PEAK1: variants seen among roughly 807,000 people sequenced by gnomAD.
PEAK1 encodes pseudopodium enriched atypical kinase 1.
PEAK1 carries 54 observed loss-of-function variants against 124.7 expected under a neutral mutation model. That is an observed-to-expected ratio of 0.43 (90% CI 0.35 to 0.54). The LOEUF is 0.54. PEAK1 is among the 20% of genes least tolerant of loss of function. The pLI, the probability that PEAK1 is intolerant of heterozygous loss-of-function variation, is 0.01. For synonymous variants in PEAK1, 719 were observed against 760.0 expected (o/e 0.95, Z 0.89); for missense variants, 2,046 against 2,134.5 (o/e 0.96, Z 0.82).
chr15:77,263,111 G>A lies in PEAK1; in HGVS notation c.-274-10585C>T, dbSNP rs1015261097. 2.0e-5 allele frequency among the ~76,000 whole-genome samples: 3 copies of A among 152,188 alleles called. No homozygotes were observed. In the South Asian group the frequency reaches 6.2e-4, roughly 32 times the overall value. ...TGGGACACATTCAAAGCAGTGCGTA[G>A]AGGGAAATTTATAGCACTAAATGCC... On this transcript the variant is annotated intron_variant, in intron 5 of 9. Coordinates refer to ENST00000682557, the MANE Select transcript of PEAK1 (RefSeq NM_001385026.1).
chr15:77,209,188 T>G (rs2058796332), intron 6 of PEAK1, among the ~76,000 whole-genome samples: 1 of 152,104 alleles, frequency 6.6e-6, no homozygotes, highest in South Asian at 2.1e-4. Context: ...TTTTTTAATA[T>G]AAAAGAAAAA....
chr15:77,405,916 A>C (rs1023414017), intron 1 of PEAK1, among the ~76,000 whole-genome samples: 4 of 152,216 alleles, frequency 2.6e-5, no homozygotes, highest in African/African-American at 4.8e-5. Context: ...CTAACTCCCT[A>C]AATTAGAAAC....
chr15:77,372,237 G>C (rs1167002731), intron 1 of PEAK1, among the ~76,000 whole-genome samples: 4 of 152,280 alleles, frequency 2.6e-5, no homozygotes, highest in Middle Eastern at 3.4e-3. Flanking sequence ...ATTCAAGCAT[G>C]TACAAATATA....
downstream of PEAK1, chr15:77,104,698 G>A (rs965155965): frequency 7.2e-5 from 11 of 152,190 alleles, no homozygotes; most frequent in Admixed American, 7.2e-4. Flanking sequence ...TAGAGAGTGA[G>A]GGAGGACTGT....
intron 7 of PEAK1, among the ~76,000 whole-genome samples, chr15:77,159,635 T>C (rs1182578970): frequency 6.6e-6 from 1 of 152,180 alleles, no homozygotes; most frequent in Non-Finnish European, 1.5e-5. Context: ...CTGGTTTCTT[T>C]ATGAAAAAAA....
intron 5 of PEAK1, among the ~76,000 whole-genome samples, chr15:77,259,653 A>C (rs533455611): frequency 2.0e-5 from 3 of 152,312 alleles, no homozygotes; most frequent in Admixed American, 6.5e-5. Context: ...TTCCAGGATG[A>C]TCCTCTCACC....
At chr15:77,225,049 C>G (rs944487006) in intron 6 of PEAK1, among the ~76,000 whole-genome samples, 1 of 151,948 alleles carries the variant, frequency 6.6e-6, no homozygotes, top group Non-Finnish European at 1.5e-5. Flanking sequence ...TTTTAAGTAG[C>G]TCCCTATTTT....
intron 1 of PEAK1, chr15:77,419,150 T>A: frequency 4.1e-6 from 4 of 985,330 alleles, no homozygotes; most frequent in Non-Finnish European, 4.8e-6. Flanking sequence ...TGAACTTGGA[T>A]CTTTAAAAAA....
At chr15:77,281,618 GAA>G (rs1286389437) in intron 5 of PEAK1, among the ~76,000 whole-genome samples, 1 of 151,930 alleles carries the variant, frequency 6.6e-6, no homozygotes, top group East Asian at 1.9e-4. Context: ...TTTCATAAAA[GAA>G]ATAAAAAGAC....
intron 2 of PEAK1, chr15:77,336,412 C>T (rs1407133592): frequency 5.1e-6 from 5 of 985,292 alleles, no homozygotes; most frequent in Non-Finnish European, 4.8e-6. Flanking sequence ...GGAGTCCCTT[C>T]TGAGTGAGGG....
At chr15:77,293,735 T>C (rs1263784109) in intron 2 of PEAK1, among the ~76,000 whole-genome samples, 1 of 152,222 alleles carries the variant, frequency 6.6e-6, no homozygotes, top group Admixed American at 6.5e-5. Context: ...TGTGGATTTG[T>C]TATATTATTC....
intron 6 of PEAK1, among the ~76,000 whole-genome samples, chr15:77,243,364 A>G (rs894366709): frequency 6.6e-6 from 1 of 152,228 alleles, no homozygotes; most frequent in African/African-American, 2.4e-5. Flanking sequence ...TGTTGTTTCC[A>G]TGGCAACTGC....
At position 77,380,004 on chromosome 15, in the gene PEAK1, A is replaced by G. The variant is rs189207189; in HGVS notation, c.-665-14779T>C. On this transcript the variant is annotated intron_variant, in intron 1 of 9. Coordinates refer to ENST00000682557, the MANE Select transcript of PEAK1 (RefSeq NM_001385026.1). ...CAATTACTCACTGAATTTCTTTACT[A>G]TATTTCTTTACCTGGCAAATGTAAA... is the stretch of plus-strand genomic sequence containing the variant. Among the ~76,000 whole-genome samples, 3 of 152,290 alleles carry G rather than the reference A, an allele frequency of 2.0e-5. No homozygotes were observed. The East Asian group carries it at 5.8e-4, about 29-fold the overall frequency.
chr15:77,395,353 G>A (rs2070793386), intron 1 of PEAK1, among the ~76,000 whole-genome samples: 1 of 152,104 alleles, frequency 6.6e-6, no homozygotes, highest in Non-Finnish European at 1.5e-5. Flanking sequence ...CGCTTAAAGA[G>A]GAGGCAGAGA....
intron 5 of PEAK1, among the ~76,000 whole-genome samples, chr15:77,281,435 A>G (rs1030475350): frequency 6.6e-6 from 1 of 152,232 alleles, no homozygotes; most frequent in Non-Finnish European, 1.5e-5. Flanking sequence ...GAAGAGCTGC[A>G]GACTAGCAAT....
chr15:77,303,750 C>G (rs1417620110), intron 2 of PEAK1, among the ~76,000 whole-genome samples: 4 of 152,148 alleles, frequency 2.6e-5, no homozygotes, highest in African/African-American at 9.7e-5. Context: ...AACTAAGTCA[C>G]AACTTACCAA....
intron 6 of PEAK1, among the ~76,000 whole-genome samples, chr15:77,208,378 A>G (rs2152858298): frequency 6.6e-6 from 1 of 152,240 alleles, no homozygotes; most frequent in South Asian, 2.1e-4. Flanking sequence ...TGGTAACCAC[A>G]TATCTTCTCT....
chr15:77,181,270 A>G lies in PEAK1; in HGVS notation c.657T>C (p.Ser219=), dbSNP rs766759623. The G allele has an allele frequency of 6.2e-6, 10 of 1,613,994 alleles. No homozygotes were observed. In the Admixed American group the frequency reaches 1.7e-4, roughly 27 times the overall value. Residue 219 remains serine, a synonymous_variant, in exon 7 of 10, where the codon AGT becomes AGC. Coordinates refer to ENST00000682557, the MANE Select transcript of PEAK1 (RefSeq NM_001385026.1). ...VILSGSTEVI[S]NEGGRFCYPE... Reference sequence around the variant, plus strand: ...GGTAACAGAACCGGCCCCCTTCATTACTAATCACTTCTGTGCTCCCACTCA... The same window carrying G: ...GGTAACAGAACCGGCCCCCTTCATTGCTAATCACTTCTGTGCTCCCACTCA...
chr15:77,395,173 T>C (rs1474629717), intron 1 of PEAK1, among the ~76,000 whole-genome samples: 1 of 152,146 alleles, frequency 6.6e-6, no homozygotes, highest in Non-Finnish European at 1.5e-5. Context: ...ACTGACATAC[T>C]GAAGAATGCA....
Sources: gnomAD v4.1 joint callset for allele counts (sites outside exome capture counted in the v4.1 genomes callset) on GRCh38, gnomAD v4.1.1 for gene constraint, MANE v1.5 for transcripts, NCBI Gene and HGNC (gene_info 2026-07-23, HGNC 2026-07-21) for gene names.